SNX2: variants seen among roughly 807,000 people sequenced by gnomAD.
SNX2 encodes sorting nexin 2, also known as sorting nexin-2.
SNX2 carries 25 observed loss-of-function variants against 69.9 expected under a neutral mutation model. The ratio of observed to expected loss-of-function variants is 0.36; its 90% confidence interval spans 0.26 to 0.50. The LOEUF is 0.50. Among genes scored for constraint, SNX2 ranks in the 20% least tolerant of loss-of-function variants. The pLI, the probability that SNX2 is intolerant of heterozygous loss-of-function variation, is 0.97. For missense variants in SNX2, 551 were observed against 613.3 expected (o/e 0.90, Z 1.07); for synonymous variants, 229 against 200.4 (o/e 1.14, Z -1.20).
At chr5:122,805,969 A>G (rs552005102) in intron 6 of SNX2, among the ~76,000 whole-genome samples, 1 of 151,826 alleles carries the variant, frequency 6.6e-6, no homozygotes, top group East Asian at 1.9e-4. Flanking sequence ...TTTAGTAGAG[A>G]TGGGGTTTCA....
intron 7 of SNX2, among the ~76,000 whole-genome samples, chr5:122,811,702 G>A (rs1289457608): frequency 8.6e-5 from 13 of 151,928 alleles, no homozygotes; most frequent in African/African-American, 2.2e-4. Flanking sequence ...GTGGTGGCGC[G>A]TGCCTGTAGT....
At chr5:122,786,270 G>T (rs1753084750) in intron 1 of SNX2, among the ~76,000 whole-genome samples, 1 of 152,006 alleles carries the variant, frequency 6.6e-6, no homozygotes, top group Non-Finnish European at 1.5e-5. Flanking sequence ...TAGGCAACAT[G>T]TGTGTAGTTA....
At chr5:122,827,807 A>C in intron 14 of SNX2, 161 bp downstream of exon 14, 1 of 585,138 alleles carries the variant, frequency 1.7e-6, no homozygotes, top group Non-Finnish European at 3.0e-6. Flanking sequence ...AACTAATCGG[A>C]AACTATCTCA....
chr5:122,808,238 A>C, intron 6 of SNX2, 39 bp from the exon 7 acceptor site: 1 of 1,270,526 alleles, frequency 7.9e-7, no homozygotes, highest in East Asian at 2.4e-5. Context: ...TTTCACAGCA[A>C]TATAAAGTCA....
intron 1 of SNX2, among the ~76,000 whole-genome samples, chr5:122,787,633 C>G (rs1436691266): frequency 3.3e-5 from 5 of 152,324 alleles, no homozygotes; most frequent in Middle Eastern, 3.4e-3. Context: ...CATAGCCTCT[C>G]CATAGTGATA....
chr5:122,799,398 A>G (rs1310446695), intron 2 of SNX2, among the ~76,000 whole-genome samples: 1 of 152,154 alleles, frequency 6.6e-6, no homozygotes, highest in East Asian at 1.9e-4. Context: ...ACAAATCCAA[A>G]CATGAATGTG....
Position 122,775,684 on chromosome 5 carries a change from T to C in SNX2, c.108+473T>C, listed in dbSNP as rs1002731426. 4 of 986,086 alleles carry C rather than the reference T, an allele frequency of 4.1e-6. No individual in the cohort carries two copies. The African/African-American group carries it at 5.2e-5, about 13-fold the overall frequency. 61.1% of individuals were successfully genotyped at this position (986,086 alleles called of 1,614,324 possible). On this transcript the variant is annotated intron_variant, in intron 1 of 14. Transcript: ENST00000379516. The stretch of plus-strand genomic sequence containing the variant: ...CGAGGGTCTGTGGGGAACGAATGGG[T>C]GCACTTTCCCAGGAATGGCCCTTCA...
At chr5:122,800,625 G>A (rs774178162) in intron 3 of SNX2, among the ~76,000 whole-genome samples, 1 of 152,136 alleles carries the variant, frequency 6.6e-6, no homozygotes, top group Non-Finnish European at 1.5e-5. Flanking sequence ...TAGTGATGAT[G>A]CTTATTTCTG....
intron 1 of SNX2, among the ~76,000 whole-genome samples, chr5:122,794,147 C>G (rs1205406022): frequency 6.6e-6 from 1 of 151,820 alleles, no homozygotes; most frequent in Non-Finnish European, 1.5e-5. Context: ...CCTGTCTCTA[C>G]TAAAAATACA....
chr5:122,775,802 A>G (rs1752844203), intron 1 of SNX2: 1 of 981,478 alleles, frequency 1.0e-6, no homozygotes, highest in Non-Finnish European at 1.2e-6. Flanking sequence ...TTTAGTTCCT[A>G]GACTTTTAAA....
chr5:122,785,132 A>G (rs1753056765), intron 1 of SNX2, among the ~76,000 whole-genome samples: 1 of 151,856 alleles, frequency 6.6e-6, no homozygotes, highest in African/African-American at 2.4e-5. Flanking sequence ...TAGAGGTTTG[A>G]TATCCTCTTA....
chr5:122,794,578 G>C (rs1345788051), intron 1 of SNX2, among the ~76,000 whole-genome samples: 2 of 152,118 alleles, frequency 1.3e-5, no homozygotes, highest in Non-Finnish European at 2.9e-5. Context: ...AAACAAACAT[G>C]GCAATAACAA....
At chr5:122,825,838 G>A (rs1279106936) in intron 11 of SNX2, among the ~76,000 whole-genome samples, 13 of 152,122 alleles carry the variant, frequency 8.5e-5, no homozygotes, top group Admixed American at 3.3e-4. Flanking sequence ...TTCTGAACAT[G>A]TTTCATCCAG....
At chr5:122,818,668 A>T (rs1028245209) in intron 10 of SNX2, 150 bp from the exon 11 acceptor site, 1 of 639,258 alleles carries the variant, frequency 1.6e-6, no homozygotes, top group Non-Finnish European at 2.6e-6. Flanking sequence ...GAGGCATTTT[A>T]ACGACTAATT....
At chr5:122,791,333 G>A (rs1753232605) in intron 1 of SNX2, among the ~76,000 whole-genome samples, 1 of 151,914 alleles carries the variant, frequency 6.6e-6, no homozygotes, top group African/African-American at 2.4e-5. Flanking sequence ...CCAGGCTGGA[G>A]TGTAGTGGTG....
chr5:122,817,477 G>T, intron 10 of SNX2, 104 bp downstream of exon 10: 1 of 736,626 alleles, frequency 1.4e-6, no homozygotes, highest in South Asian at 2.5e-5. Context: ...GCAGAAGAGA[G>T]AAAACAATCA....
chr5:122,800,059 A>C (rs1193139059), intron 3 of SNX2, among the ~76,000 whole-genome samples: 1 of 152,132 alleles, frequency 6.6e-6, no homozygotes, highest in African/African-American at 2.4e-5. Context: ...TGTTAAGTGA[A>C]GGAGTTTGTC....
At position 122,794,871 on chromosome 5, in the gene SNX2, T is replaced by A. The variant is rs771973894; in HGVS notation, c.109-395T>A. Among the ~76,000 whole-genome samples the A allele has an allele frequency of 2.6e-5, 4 of 151,642 alleles. No homozygotes were observed. In the South Asian group the frequency reaches 6.3e-4, roughly 24 times the overall value. ...TCTCTACAAAAAATAAATAAATAAA[T>A]AAATAACCAGGTGTGGTGACGTGCA... is the stretch of plus-strand genomic sequence containing the variant. On this transcript the variant is annotated intron_variant, in intron 1 of 14. Transcript: ENST00000379516.
intron 6 of SNX2, among the ~76,000 whole-genome samples, chr5:122,806,132 A>ACATGCACGCGCGCG (rs1360809798): frequency 4.7e-5 from 3 of 63,688 alleles, no homozygotes; most frequent in African/African-American, 1.6e-4. Context: ...ATATATATAC[A>ACATGCACGCGCGCG]CACGCGCGCG....
Sources: gnomAD v4.1 joint callset for allele counts (sites outside exome capture counted in the v4.1 genomes callset) on GRCh38, gnomAD v4.1.1 for gene constraint, MANE v1.5 for transcripts, NCBI Gene and HGNC (gene_info 2026-07-23, HGNC 2026-07-21) for gene names.